The following DNAH8 variants were observed in gnomAD, a reference collection of about 807,000 sequenced individuals.
DNAH8 encodes dynein axonemal heavy chain 8.
Under a neutral mutation model 562.1 loss-of-function variants are expected in DNAH8, and 382 were observed. The ratio of observed to expected loss-of-function variants is 0.68; its 90% CI spans 0.63 to 0.74. The LOEUF is 0.74. Among genes scored for constraint, DNAH8 ranks in the 30% least tolerant of loss-of-function variants. DNAH8 has a pLI of 0.00. For synonymous variants in DNAH8, 1,881 were observed against 1,919.4 expected (o/e 0.98, Z 0.52); for missense variants, 5,203 against 5,620.4 (o/e 0.93, Z 2.37).
At chr6:38,798,358 G>A (rs1056790033) in intron 21 of DNAH8, among the ~76,000 whole-genome samples, 5 of 152,164 alleles carry the variant, frequency 3.3e-5, no homozygotes, top group South Asian at 2.1e-4. Context: ...AGTCCCTGGC[G>A]TACCCCTAAG....
In DNAH8 at chr6:38,945,497, C is replaced by G. The variant is rs774612011; in HGVS notation, c.12038C>G (p.Pro4013Arg). The change falls in exon 80 of 93, where the codon CCT (proline) becomes CGT (arginine). Residue 4013 changes from proline (P) to arginine (R), a missense_variant. Transcript: ENST00000327475. ...GGAALDLKAC[P>R]PKPYRWILDM... is the part of the protein sequence containing the mutation. ...GCAGCTCTGGACCTGAAAGCCTGTCCTCCCAAACCCTATCGCTGGATCCTT... is the reference window on the plus strand; with the variant it reads ...GCAGCTCTGGACCTGAAAGCCTGTCGTCCCAAACCCTATCGCTGGATCCTT... 2 of 1,614,170 alleles carry G rather than the reference C, an allele frequency of 1.2e-6. No individual in the cohort carries two copies. Among genetic ancestry groups the G allele is most frequent in the Non-Finnish European group, 1.7e-6 (2 of 1,180,008 alleles).
At position 38,965,267 on chromosome 6, in the gene DNAH8, T is replaced by G. The variant is rs1220807037; in HGVS notation, c.12452-6325T>G. Among the ~76,000 whole-genome samples, 3 of 151,996 alleles carry G rather than the reference T, an allele frequency of 2.0e-5. No individual in the cohort carries two copies. The East Asian group carries it at 5.8e-4, about 29-fold the overall frequency. ...ATACACTGCAGCTAAGATATAAATA[T>G]TCAGGAAGATAGGGATAAATAAAGA... On this transcript the variant is annotated intron_variant, in intron 82 of 92. Coordinates refer to ENST00000327475, the MANE Select transcript of DNAH8 (RefSeq NM_001206927.2).
At chr6:38,893,659 T>C (rs1259280024) in intron 58 of DNAH8, among the ~76,000 whole-genome samples, 2 of 152,188 alleles carry the variant, frequency 1.3e-5, no homozygotes, top group Non-Finnish European at 2.9e-5. Flanking sequence ...ATTGATAAAA[T>C]ACACTTCTTT....
intron 77 of DNAH8, among the ~76,000 whole-genome samples, chr6:38,937,305 G>A (rs895409246): frequency 1.3e-5 from 2 of 151,498 alleles, no homozygotes; most frequent in Admixed American, 6.6e-5. Context: ...GTATACCTAT[G>A]TAACAAACCT....
intron 36 of DNAH8, among the ~76,000 whole-genome samples, chr6:38,847,190 T>C (rs1471418641): frequency 6.6e-6 from 1 of 152,184 alleles, no homozygotes; most frequent in Non-Finnish European, 1.5e-5. Context: ...TCATGGGCCA[T>C]GGTGGGTTTG....
At chr6:38,726,540 C>T (rs1334395833) in intron 3 of DNAH8, among the ~76,000 whole-genome samples, 1 of 152,166 alleles carries the variant, frequency 6.6e-6, no homozygotes, top group African/African-American at 2.4e-5. Flanking sequence ...ACTGACACTG[C>T]TTAGGCTGCA....
chr6:38,914,894 A>C (rs1035215469), intron 67 of DNAH8, among the ~76,000 whole-genome samples: 1 of 152,086 alleles, frequency 6.6e-6, no homozygotes, highest in Non-Finnish European at 1.5e-5. Context: ...TTATTCTATG[A>C]TACTTACTTG....
rs1775243224 is a variant in DNAH8, at chr6:38,845,722, T to C, written c.4994T>C (p.Ile1665Thr). The change falls in exon 36 of 93, where the codon ATC (isoleucine) becomes ACC (threonine). Residue 1665 changes from isoleucine to threonine, a missense_variant. Ile to Thr is a moderately conservative substitution (Grantham distance 89, BLOSUM62 -1). Around this residue, in one of 6 missense-constraint regions of DNAH8, gnomAD observed 2,176 missense variants for 2,365.1 expected, o/e 0.92. Transcript: ENST00000327475. ...LLKGTESGEI[I>T]TLMEDSLMVL... ...AAAGGAACCGAATCGGGAGAAATTATCACTTTGATGGAGGATAGTTTAATG... is the reference window on the plus strand; with the variant it reads ...AAAGGAACCGAATCGGGAGAAATTACCACTTTGATGGAGGATAGTTTAATG... 1 of 1,613,830 alleles carries C rather than the reference T, an allele frequency of 6.2e-7. No homozygotes were observed. The highest frequency in any genetic ancestry group is 8.5e-7 in the Non-Finnish European group (1 of 1,179,906).
At position 38,832,353 on chromosome 6, in the gene DNAH8, A is replaced by T. The variant is rs768227470; in HGVS notation, c.4220A>T (p.Gln1407Leu). 2.5e-6 allele frequency: 4 copies of T among 1,613,740 alleles called. No homozygotes were observed. In the East Asian group the frequency reaches 8.9e-5, roughly 36 times the overall value. ...VSVQEDLVQV[Q>L]PKFKSNLLES... ...GTACAAGAGGACCTAGTTCAAGTGCAGCCAAAGTTTAAAAGCAATCTACTT... is the reference window on the plus strand; with the variant it reads ...GTACAAGAGGACCTAGTTCAAGTGCTGCCAAAGTTTAAAAGCAATCTACTT... Residue 1407 changes from glutamine to leucine, a missense_variant, in exon 31 of 93, where the codon CAG (glutamine) becomes CTG (leucine). Physicochemically the swap from Gln to Leu is moderately radical, Grantham distance 113. Transcript: ENST00000327475.
chr6:38,948,938 A>G (rs894394932), intron 80 of DNAH8, among the ~76,000 whole-genome samples: 1 of 152,168 alleles, frequency 6.6e-6, no homozygotes, highest in African/African-American at 2.4e-5. Flanking sequence ...AGAGATCAAC[A>G]TTTAGAGGTT....
At chr6:39,024,961 A>AT (rs1767172655) in intron 91 of DNAH8, among the ~76,000 whole-genome samples, 1 of 152,186 alleles carries the variant, frequency 6.6e-6, no homozygotes, top group Non-Finnish European at 1.5e-5. Context: ...ACCTAATCCT[A>AT]TTTTAGTGGG....
chr6:38,884,025 G>A (rs910134076), intron 56 of DNAH8, 27 bp downstream of exon 56: 4 of 1,416,462 alleles, frequency 2.8e-6, no homozygotes, highest in Non-Finnish European at 3.7e-6. Flanking sequence ...TCATATAGAT[G>A]ATCCTGAATT....
chr6:38,888,555 A>G (rs576987463), intron 57 of DNAH8, among the ~76,000 whole-genome samples: 25 of 152,336 alleles, frequency 1.6e-4, no homozygotes, highest in Admixed American at 8.5e-4. Flanking sequence ...AGAAAAGGAA[A>G]CAACCTGATA....
chr6:38,929,444 T>C, intron 74 of DNAH8, 67 bp from the exon 75 acceptor site: 1 of 1,411,144 alleles, frequency 7.1e-7, no homozygotes, highest in Non-Finnish European at 9.4e-7. Flanking sequence ...AACAAATCTC[T>C]CGGTTTCCCT....
intron 85 of DNAH8, among the ~76,000 whole-genome samples, chr6:38,976,546 G>T (rs6911890): frequency 1.3e-5 from 2 of 152,278 alleles, no homozygotes; most frequent in East Asian, 1.9e-4. Context: ...GTTGTCTTGG[G>T]CCAGAAGCAT....
chr6:38,862,482 A>C, intron 44 of DNAH8, 24 bp downstream of exon 44: 1 of 1,577,116 alleles, frequency 6.3e-7, no homozygotes, highest in South Asian at 1.2e-5. Context: ...AATGTAGATT[A>C]TTTTAGGTGA....
chr6:38,825,970 G>A (rs1019355682), intron 28 of DNAH8, among the ~76,000 whole-genome samples, 186 bp from the exon 29 acceptor site: 1 of 152,046 alleles, frequency 6.6e-6, no homozygotes, highest in African/African-American at 2.4e-5. Flanking sequence ...ATGCTCTGTG[G>A]GACAGGAATT....
At chr6:38,772,031 T>TTTC (rs1767623734) in intron 12 of DNAH8, among the ~76,000 whole-genome samples, 1 of 136,478 alleles carries the variant, frequency 7.3e-6, no homozygotes, top group Non-Finnish European at 1.5e-5. Context: ...TATGATTTCT[T>TTTC]TTTTTTTTTT....
intron 8 of DNAH8, among the ~76,000 whole-genome samples, chr6:38,743,748 A>C (rs921702024): frequency 6.6e-6 from 1 of 152,196 alleles, no homozygotes; most frequent in Non-Finnish European, 1.5e-5. Context: ...TTGTATGAAT[A>C]TACCACATTT....
Sources: allele counts gnomAD v4.1 joint callset (sites outside exome capture counted in the v4.1 genomes callset), GRCh38; gene constraint gnomAD v4.1.1; regional missense constraint gnomAD v4.1.1; transcripts MANE v1.5; gene names NCBI Gene and HGNC (gene_info 2026-07-23, HGNC 2026-07-21).